Variants in LIMD1 observed in about 807,000 individuals in gnomAD.
The protein encoded by LIMD1 is LIM domain containing 1, also known as LIM domain-containing protein 1.
In LIMD1, 23 loss-of-function variants were observed where a neutral mutation model predicts 58.4. The ratio of observed to expected loss-of-function variants is 0.39; its 90% CI spans 0.28 to 0.56. The LOEUF (loss-of-function observed/expected upper bound fraction) is 0.56, where lower values mean the gene tolerates loss of function less well. LIMD1 is among the 20% of genes least tolerant of loss of function. LIMD1 has a pLI of 0.57. For synonymous variants in LIMD1, 334 were observed against 345.5 expected (o/e 0.97, Z 0.37); for missense variants, 838 against 855.5 (o/e 0.98, Z 0.25).
Position 45,595,885 on chromosome 3 carries a change from T to A in LIMD1, c.1006T>A (p.Trp336Arg), listed in dbSNP as rs200442658. 6.2e-7 allele frequency: 1 copy of A among 1,614,208 alleles called. No homozygotes were observed. The change falls in exon 1 of 8, where the codon TGG (tryptophan) becomes AGG (arginine). Residue 336 changes from tryptophan (W) to arginine (R), a missense_variant. By Grantham distance (101) the Trp-to-Arg change is moderately radical. Transcript: ENST00000273317. Reference protein sequence around the residue: ...MSKPNVDPQPWFQDGPKSYLS... With the variant: ...MSKPNVDPQPRFQDGPKSYLS... The stretch of plus-strand genomic sequence containing the variant: ...CAAACCCAATGTGGACCCCCAACCC[T>A]GGTTCCAGGATGGGCCCAAATCTTA...
At chr3:45,665,824 A>T in intron 3 of LIMD1, 107 bp downstream of exon 3, 1 of 920,908 alleles carries the variant, frequency 1.1e-6, no homozygotes, top group Non-Finnish European at 1.7e-6. Context: ...TGCTGGAGAG[A>T]GGGGCCCTGC....
intron 7 of LIMD1, among the ~76,000 whole-genome samples, chr3:45,675,875 G>T (rs1241548051): frequency 1.3e-5 from 2 of 152,018 alleles, no homozygotes; most frequent in African/African-American, 2.4e-5. Context: ...GGCATGCTGT[G>T]CCTATAGTCT....
At position 45,595,371 on chromosome 3, in the gene LIMD1, G is replaced by A. The variant is rs368378349; in HGVS notation, c.492G>A (p.Gln164=). ...LATSEMSAFH[Q]PGPCEDPSCL... ...CTTCTGAGATGTCTGCTTTCCACCA[G>A]CCAGGCCCCTGTGAGGATCCTTCCT... is the stretch of plus-strand genomic sequence containing the variant. Residue 164 remains glutamine (Q), a synonymous_variant, in exon 1 of 8, where the codon CAG becomes CAA. Coordinates refer to ENST00000273317, the MANE Select transcript of LIMD1 (RefSeq NM_014240.3). 1.9e-6 allele frequency: 3 copies of A among 1,613,658 alleles called. No homozygotes were observed. In the African/African-American group the frequency reaches 4.0e-5, roughly 22 times the overall value.
chr3:45,657,292 C>T (rs1358021820), intron 2 of LIMD1, among the ~76,000 whole-genome samples: 7 of 152,070 alleles, frequency 4.6e-5, no homozygotes, highest in East Asian at 1.9e-4. Flanking sequence ...GGAGTTTTTA[C>T]GGAGCTGTTC....
At chr3:45,625,443 A>G (rs184584010) in intron 1 of LIMD1, among the ~76,000 whole-genome samples, 86 of 151,844 alleles carry the variant, frequency 5.7e-4, no homozygotes, top group African/African-American at 2.0e-3. Flanking sequence ...TACCTAGAAC[A>G]CCTTCCTGCT....
intron 1 of LIMD1, among the ~76,000 whole-genome samples, chr3:45,628,294 T>C (rs1382396457): frequency 6.6e-6 from 1 of 151,968 alleles, no homozygotes; most frequent in African/African-American, 2.4e-5. Flanking sequence ...AGAACTTGTA[T>C]CTAGAATGTA....
At chr3:45,642,497 G>T (rs1701853837) in intron 2 of LIMD1, among the ~76,000 whole-genome samples, 1 of 152,176 alleles carries the variant, frequency 6.6e-6, no homozygotes. Context: ...CAATTTTAAA[G>T]ACAGAAACCT....
At chr3:45,654,075 G>A (rs2125664694) in intron 2 of LIMD1, among the ~76,000 whole-genome samples, 2 of 152,224 alleles carry the variant, frequency 1.3e-5, no homozygotes, top group East Asian at 3.9e-4. Context: ...TCAAGCCCTG[G>A]CGCTAAATTT....
At chr3:45,668,446 T>A (rs563747483) in intron 4 of LIMD1, 90 bp downstream of exon 4, 1 of 1,040,030 alleles carries the variant, frequency 9.6e-7, no homozygotes, top group South Asian at 1.4e-5. Flanking sequence ...AGGACAGTGT[T>A]TCTTATCTTG....
In LIMD1 at chr3:45,658,845, G is replaced by A. The variant is rs185558997; in HGVS notation, c.1511-6805G>A. On this transcript the variant is annotated intron_variant, in intron 2 of 7. Coordinates refer to ENST00000273317, the MANE Select transcript of LIMD1 (RefSeq NM_014240.3). ...GCTAGGATTACAGGCATGAGCCACC[G>A]TGCCTGGCCTCACCATGCAGATTCT... Among the ~76,000 whole-genome samples, 674 of 151,978 alleles carry A rather than the reference G, an allele frequency of 4.4e-3. 5 individuals are homozygous for A. The highest frequency in any genetic ancestry group is 6.7e-3 in the Non-Finnish European group (456 of 67,942).
chr3:45,636,328 C>A, intron 2 of LIMD1, 77 bp downstream of exon 2: 2 of 903,624 alleles, frequency 2.2e-6, no homozygotes, highest in Non-Finnish European at 3.3e-6. Flanking sequence ...GGAGAGAGAT[C>A]ATCTTTCTGG....
In LIMD1 at chr3:45,595,672, A is replaced by G. The variant is rs1029797096; in HGVS notation, c.793A>G (p.Thr265Ala). The change falls in exon 1 of 8, where the codon ACT becomes GCT. Residue 265 changes from threonine to alanine, a missense_variant. By Grantham distance (58) the Thr-to-Ala change is moderately conservative. Around this residue, in one of 3 missense-constraint regions of LIMD1, gnomAD observed 659 missense variants for 639.8 expected, o/e 1.03. Transcript: ENST00000273317. Reference protein sequence around the residue: ...SSEKPTGLWSTASSQRVSPGL... With the variant: ...SSEKPTGLWSAASSQRVSPGL... Reference sequence around the variant, plus strand: ...CGAGAAGCCAACAGGCCTTTGGTCCACTGCCTCCTCCCAGCGGGTGAGCCC... The same window carrying G: ...CGAGAAGCCAACAGGCCTTTGGTCCGCTGCCTCCTCCCAGCGGGTGAGCCC... 2 of 1,614,032 alleles carry G rather than the reference A, an allele frequency of 1.2e-6. No homozygotes were observed. The highest frequency in any genetic ancestry group is 1.3e-5 in the African/African-American group (1 of 74,938).
At chr3:45,676,345 TA>T (rs751149394) in intron 7 of LIMD1, among the ~76,000 whole-genome samples, 6,879 of 142,088 alleles carry the variant, frequency 0.048, 456 homozygotes, top group African/African-American at 0.16. Context: ...TTATTTCTTC[TA>T]AAAAAAAAAA....
At chr3:45,632,549 G>C in intron 1 of LIMD1, 1 of 985,272 alleles carries the variant, frequency 1.0e-6, no homozygotes, top group Non-Finnish European at 1.2e-6. Flanking sequence ...CAAGGAAGCA[G>C]GTGCCAGGTA....
chr3:45,604,503 T>A (rs1701448630), intron 1 of LIMD1, among the ~76,000 whole-genome samples: 1 of 152,184 alleles, frequency 6.6e-6, no homozygotes, highest in Non-Finnish European at 1.5e-5. Context: ...CAGCACTGGG[T>A]TGAGTGCTGT....
intron 2 of LIMD1, among the ~76,000 whole-genome samples, chr3:45,649,582 G>A (rs1701942809): frequency 6.6e-6 from 1 of 150,610 alleles, no homozygotes; most frequent in Non-Finnish European, 1.5e-5. Flanking sequence ...TGGCGAGGCT[G>A]AGGCAGCAGA....
At chr3:45,605,608 G>A (rs1238755178) in intron 1 of LIMD1, among the ~76,000 whole-genome samples, 1 of 152,198 alleles carries the variant, frequency 6.6e-6, no homozygotes, top group Admixed American at 6.5e-5. Context: ...AGGCCAATTT[G>A]CTTGGAAGAG....
At chr3:45,625,593 AAC>A (rs1701662168) in intron 1 of LIMD1, among the ~76,000 whole-genome samples, 1 of 152,116 alleles carries the variant, frequency 6.6e-6, no homozygotes, top group Admixed American at 6.5e-5. Flanking sequence ...TCCCCAAGGC[AAC>A]AGTGTTGAGA....
At chr3:45,616,443 C>T (rs1350764423) in intron 1 of LIMD1, among the ~76,000 whole-genome samples, 1 of 152,202 alleles carries the variant, frequency 6.6e-6, no homozygotes, top group Admixed American at 6.5e-5. Context: ...AAAACCGGGT[C>T]ACATCCCTCC....
Sources: allele counts gnomAD v4.1 joint callset (sites outside exome capture counted in the v4.1 genomes callset), GRCh38; gene constraint gnomAD v4.1.1; regional missense constraint gnomAD v4.1.1; transcripts MANE v1.5; gene names NCBI Gene and HGNC (gene_info 2026-07-23, HGNC 2026-07-21).